MPP3: variants seen among roughly 807,000 people sequenced by gnomAD.
MPP3 encodes the protein MAGUK p55 subfamily member 3.
Under a neutral mutation model 80.7 loss-of-function variants are expected in MPP3, and 48 were observed. The ratio of observed to expected loss-of-function variants is 0.59; its 90% confidence interval spans 0.47 to 0.76. The LOEUF (loss-of-function observed/expected upper bound fraction) is 0.76, where lower values mean the gene tolerates loss of function less well. Ranked by LOEUF, MPP3 falls within the 30% of genes least tolerant of loss-of-function variation. MPP3 has a pLI of 0.00. For synonymous variants in MPP3, 311 were observed against 297.6 expected, an observed-to-expected ratio of 1.04 and a Z score of -0.46; for missense variants, 620 against 763.0, an observed-to-expected ratio of 0.81 and a Z score of 2.21.
At position 43,815,905 on chromosome 17, in the gene MPP3, G is replaced by C. The variant is rs2045102242; in HGVS notation, c.1009+133C>G. ...GCTTGGGTTGAGAGAACTGAGGAGA[G>C]ATGGGGGTCCCATAGGCTCCACTGC... On this transcript the variant is annotated intron_variant, in intron 14 of 19. Coordinates refer to ENST00000398389, the MANE Select transcript of MPP3 (RefSeq NM_001932.6). The C allele has an allele frequency of 2.4e-6, 2 of 831,198 alleles. 1 individual carries two copies. The highest frequency in any genetic ancestry group is 3.6e-5 in the South Asian group (2 of 54,972). 51.5% of individuals were successfully genotyped at this position (831,198 alleles called of 1,614,324 possible).
chr17:43,829,399 C>A (rs889605851), intron 7 of MPP3, among the ~76,000 whole-genome samples: 14 of 152,324 alleles, frequency 9.2e-5, no homozygotes, highest in African/African-American at 3.4e-4. Context: ...TGGCTTAAAG[C>A]ATGATCAGGG....
In MPP3 at chr17:43,822,680, A is replaced by AAAAAAAAAAAG. The variant is rs1384778903; in HGVS notation, c.684+1250_684+1251insCTTTTTTTTTT. On this transcript the variant is annotated intron_variant, in intron 10 of 19. Transcript: ENST00000398389. ...ATATAACTGCACCACTCCCATCCTAAAAAAAAAAAAAAAAGAGCTTATTAG... is the reference window on the plus strand; with the variant it reads ...ATATAACTGCACCACTCCCATCCTAAAAAAAAAAAAGAAAAAAAAAAAAAAGAGCTTATTAG... Among the ~76,000 whole-genome samples the AAAAAAAAAAAG allele has an allele frequency of 1.4e-4, 21 of 149,022 alleles. 1 individual carries two copies. The highest frequency in any genetic ancestry group is 3.1e-4 in the Non-Finnish European group (21 of 67,076).
chr17:43,827,970 A>C, intron 7 of MPP3, 138 bp from the exon 8 acceptor site: 1 of 743,796 alleles, frequency 1.3e-6, no homozygotes. Context: ...CCCAATGCTG[A>C]AGACAAAACA....
intron 19 of MPP3, among the ~76,000 whole-genome samples, chr17:43,805,224 C>CAA (rs1567794767): frequency 1.3e-5 from 2 of 152,176 alleles, no homozygotes; most frequent in African/African-American, 4.8e-5. Flanking sequence ...AAAAGATGCT[C>CAA]AACTTCACTG....
chr17:43,826,600 G>A (rs986496336), intron 8 of MPP3, among the ~76,000 whole-genome samples: 5 of 152,162 alleles, frequency 3.3e-5, no homozygotes, highest in South Asian at 2.1e-4. Context: ...TCCACACACC[G>A]GTGATTCTCA....
rs932785631 is a variant in MPP3 at position 43,801,920 on chromosome 17, C to T, written c.1582-43G>A. 3.2e-6 allele frequency: 5 copies of T among 1,582,710 alleles called. No individual in the cohort carries two copies. In the African/African-American group the frequency reaches 6.7e-5, roughly 21 times the overall value. ...GTAAAAGGAGCAACTGGGTTGTTCTCCTATAACAAACCTATAACCTTTGTC... is the reference window on the plus strand; with the variant it reads ...GTAAAAGGAGCAACTGGGTTGTTCTTCTATAACAAACCTATAACCTTTGTC... On this transcript the variant is annotated intron_variant, in intron 19 of 19. Transcript: ENST00000398389.
At chr17:43,817,936 A>C in intron 12 of MPP3, 110 bp downstream of exon 12, 13 of 658,346 alleles carry the variant, frequency 2.0e-5, no homozygotes, top group East Asian at 8.1e-5. Context: ...GAGCTCAGAC[A>C]AGACCCCTGA....
In MPP3 at chr17:43,816,676, C is replaced by T; in HGVS notation, c.967+1G>A. ...GGACAGCGGATAGATACTGGGCCTA[C>T]CTTTGTCACAAGGCTGATCATCTGC... On this transcript the variant is annotated splice_donor_variant, in intron 13 of 19. Transcript: ENST00000398389. LOFTEE classifies it high-confidence loss of function. 1 of 1,576,174 alleles carries T rather than the reference C, an allele frequency of 6.3e-7. No individual in the cohort carries two copies. Among genetic ancestry groups the T allele is most frequent in the Non-Finnish European group, 8.6e-7 (1 of 1,160,308 alleles).
chr17:43,812,542 G>A (rs1238105872), intron 16 of MPP3, among the ~76,000 whole-genome samples: 1 of 152,134 alleles, frequency 6.6e-6, no homozygotes, highest in East Asian at 1.9e-4. Flanking sequence ...CTTTGCACAT[G>A]TTGTTTCCTC....
In MPP3 at chr17:43,816,713, A is replaced by G; in HGVS notation, c.947-16T>C. On this transcript the variant is annotated splice_polypyrimidine_tract_variant and intron_variant, in intron 12 of 19. Coordinates refer to ENST00000398389, the MANE Select transcript of MPP3 (RefSeq NM_001932.6). Reference sequence around the variant, plus strand: ...GGCTGATCATCTGCGGTTTGCACAAAAGACAGATGGAACAGCATTAGTGGA... The same window carrying G: ...GGCTGATCATCTGCGGTTTGCACAAGAGACAGATGGAACAGCATTAGTGGA... The G allele has an allele frequency of 1.3e-6, 2 of 1,572,634 alleles. No homozygotes were observed. Among genetic ancestry groups the G allele is most frequent in the East Asian group, 4.6e-5 (2 of 43,080 alleles).
chr17:43,831,457 G>T, intron 4 of MPP3, 102 bp downstream of exon 4: 2 of 1,303,706 alleles, frequency 1.5e-6, no homozygotes, highest in South Asian at 2.5e-5. Flanking sequence ...GCAAGTGAAG[G>T]CCTTCCTGGG....
chr17:43,826,038 CACCCAGTAAA>C (rs1189076712), intron 8 of MPP3, among the ~76,000 whole-genome samples, 197 bp from the exon 9 acceptor site: 18 of 152,378 alleles, frequency 1.2e-4, no homozygotes, highest in South Asian at 8.3e-4. Context: ...GGGCTCAAAT[CACCCAGTAAA>C]ATCTCCAATT....
chr17:43,828,888 G>A (rs1256460007), intron 7 of MPP3, among the ~76,000 whole-genome samples: 1 of 152,182 alleles, frequency 6.6e-6, no homozygotes, highest in African/African-American at 2.4e-5. Flanking sequence ...TAAATCAATG[G>A]ATGGCCACTC....
At chr17:43,812,231 ACAGT>A (rs748167020) in intron 16 of MPP3, among the ~76,000 whole-genome samples, 12 of 152,170 alleles carry the variant, frequency 7.9e-5, no homozygotes, top group Non-Finnish European at 1.3e-4. Context: ...AGCCACACAC[ACAGT>A]ATTTTCCAAA....
chr17:43,807,096 C>T (rs1009362906), intron 19 of MPP3, among the ~76,000 whole-genome samples: 2 of 151,746 alleles, frequency 1.3e-5, no homozygotes, highest in Non-Finnish European at 1.5e-5. Flanking sequence ...CTCAGCCTCC[C>T]GAGTAGCTGG....
At position 43,818,088 on chromosome 17, in the gene MPP3, C is replaced by A. The variant is rs910532990; in HGVS notation, c.904G>T (p.Ala302Ser). Residue 302 changes from alanine (A) to serine (S), a missense_variant, in exon 12 of 20, where the codon GCG (alanine) becomes TCG (serine). By Grantham distance (99) the Ala-to-Ser change is moderately conservative. Coordinates refer to ENST00000398389, the MANE Select transcript of MPP3 (RefSeq NM_001932.6). ...CTCTGGGGGCTCGGCAGGGTGCCCG[C>A]GGCTCTCCGGTAGCTTAGTCGTCTG... ...QERRLSYRRA[A>S]GTLPSPQSLR... 20 of 1,568,318 alleles carry A rather than the reference C, an allele frequency of 1.3e-5. No homozygotes were observed. Among genetic ancestry groups the A allele is most frequent in the East Asian group, 1.2e-4 (5 of 41,498 alleles).
chr17:43,821,255 A>G (rs1369838595), intron 10 of MPP3, among the ~76,000 whole-genome samples, 197 bp from the exon 11 acceptor site: 2 of 152,236 alleles, frequency 1.3e-5, no homozygotes, highest in Non-Finnish European at 2.9e-5. Flanking sequence ...TATAGTCAGG[A>G]AGTCCATCAA....
chr17:43,804,970 A>C (rs2044555128), intron 19 of MPP3, among the ~76,000 whole-genome samples: 1 of 152,184 alleles, frequency 6.6e-6, no homozygotes, highest in Non-Finnish European at 1.5e-5. Flanking sequence ...GTGAGCCAAC[A>C]CCGCACCATT....
At chr17:43,811,498 C>T in intron 16 of MPP3, 1 of 346,026 alleles carries the variant, frequency 2.9e-6, no homozygotes, top group Non-Finnish European at 5.3e-6. Flanking sequence ...CAGTAGAGAG[C>T]ACAGCCAGAA....
Sources: gnomAD v4.1 joint callset for allele counts (sites outside exome capture counted in the v4.1 genomes callset) on GRCh38, gnomAD v4.1.1 for gene constraint, MANE v1.5 for transcripts, NCBI Gene and HGNC (gene_info 2026-07-23, HGNC 2026-07-21) for gene names.